Variants in GATA1 observed in about 807,000 individuals in gnomAD.
GATA1 encodes the protein GATA binding protein 1, also known as erythroid transcription factor.
A neutral mutation model predicts 18.9 loss-of-function variants in GATA1; 2 were observed. The observed-to-expected ratio is 0.11, with a 90% CI of 0.04 to 0.33. The LOEUF (loss-of-function observed/expected upper bound fraction) is 0.33, where lower values mean the gene tolerates loss of function less well. Among genes scored for constraint, GATA1 ranks in the 10% least tolerant of loss-of-function variants. GATA1 has a pLI of 1.00. For synonymous variants in GATA1, 152 were observed against 149.1 expected (o/e 1.02, Z -0.14); for missense variants, 272 against 344.7 (o/e 0.79, Z 1.67).
Position 48,791,846 on chromosome X carries a change from T to A in GATA1, c.223T>A (p.Phe75Ile). 8.3e-7 allele frequency: 1 copy of A among 1,211,623 alleles called. No individual in the cohort carries two copies. Among genetic ancestry groups the A allele is most frequent in the Non-Finnish European group, 1.1e-6 (1 of 895,399 alleles). Residue 75 changes from phenylalanine (F) to isoleucine (I), a missense_variant and splice_region_variant, in exon 3 of 6, where the codon TTT becomes ATT. By Grantham distance (21) the Phe-to-Ile change is conservative. Transcript: ENST00000376670. The stretch of plus-strand genomic sequence containing the variant: ...CCATCCCTACCTGCCCCCAACAGTC[T>A]TTCAGGTGTACCCATTGCTCAACTG... ...DAEAYRHSPVFQVYPLLNCME... is the reference protein window; with the variant it reads ...DAEAYRHSPVIQVYPLLNCME...
rs782167312 is a variant in GATA1, at chrX:48,794,092, C to G, written c.1170C>G (p.Pro390=). ...TCCCTGGACCCCTACTGGGCTCACC[C>G]ACGGGCTCCTTCCCCACAGGCCCCA... ...MPFPGPLLGS[P]TGSFPTGPMP... is the part of the protein sequence containing the mutation. Residue 390 remains proline, a synonymous_variant, in exon 6 of 6, where the codon CCC becomes CCG. Coordinates refer to ENST00000376670, the MANE Select transcript of GATA1 (RefSeq NM_002049.4). 64 of 1,198,876 alleles carry G rather than the reference C, an allele frequency of 5.3e-5. No individual in the cohort carries two copies. In the South Asian group the frequency reaches 9.2e-4, roughly 17 times the overall value.
intron 4 of GATA1, 39 bp from the exon 5 acceptor site, chrX:48,793,133 A>G: frequency 8.3e-7 from 1 of 1,206,130 alleles, no homozygotes; most frequent in Non-Finnish European, 1.1e-6. Flanking sequence ...CCACTTCCAC[A>G]TCCCCAGGGC....
In GATA1 at chrX:48,792,102, A is replaced by G. The variant is rs59609788; in HGVS notation, c.479A>G (p.Asn160Ser). 3.1e-5 allele frequency: 37 copies of G among 1,209,642 alleles called. No individual in the cohort carries two copies. The highest frequency in any genetic ancestry group is 5.9e-5 in the East Asian group (2 of 33,716). ...CTGCCTTCATCACTCCCTGTCCCCA[A>G]TAGTGCTTATGGGGGCCCTGACTTT... The part of the protein sequence containing the change: ...PALPSSLPVP[N>S]SAYGGPDFSS... The change falls in exon 3 of 6, where the codon AAT becomes AGT. Residue 160 changes from asparagine to serine, a missense_variant. Asn to Ser is a conservative substitution (Grantham distance 46). This residue lies in a region of GATA1 where 147 missense variants were observed against 157.4 expected (regional missense o/e 0.93). Transcript: ENST00000376670.
In GATA1 at chrX:48,792,072, C is replaced by G; in HGVS notation, c.449C>G (p.Pro150Arg). 4.1e-6 allele frequency: 5 copies of G among 1,212,039 alleles called. No homozygotes were observed. Among genetic ancestry groups the G allele is most frequent in the Non-Finnish European group, 5.6e-6 (5 of 895,515 alleles). The part of the protein sequence containing the change: ...RLSPDLLTLG[P>R]ALPSSLPVPN... ...AGCCCAGACCTCCTGACCCTGGGACCTGCACTGCCTTCATCACTCCCTGTC... is the reference window on the plus strand; with the variant it reads ...AGCCCAGACCTCCTGACCCTGGGACGTGCACTGCCTTCATCACTCCCTGTC... The change falls in exon 3 of 6, where the codon CCT becomes CGT. Residue 150 changes from proline to arginine, a missense_variant. Physicochemically the swap from Pro to Arg is moderately radical, Grantham distance 103. Around this residue, in one of 3 missense-constraint regions of GATA1, gnomAD observed 147 missense variants for 157.4 expected, o/e 0.93. Transcript: ENST00000376670.
At position 48,794,111 on chromosome X, in the gene GATA1, G is replaced by C. The variant is rs781902307; in HGVS notation, c.1189G>C (p.Gly397Arg). 2 of 1,191,349 alleles carry C rather than the reference G, an allele frequency of 1.7e-6. No homozygotes were observed. Among genetic ancestry groups the C allele is most frequent in the African/African-American group, 3.5e-5 (2 of 57,339 alleles). Residue 397 changes from glycine to arginine, a missense_variant, in exon 6 of 6, where the codon GGC (glycine) becomes CGC (arginine). By Grantham distance (125) the Gly-to-Arg change is moderately radical. This residue lies in a region of GATA1 where 83 missense variants were observed against 84.2 expected (regional missense o/e 0.99). Transcript: ENST00000376670. Reference protein sequence around the residue: ...LGSPTGSFPTGPMPPTTSTTV... With the variant: ...LGSPTGSFPTRPMPPTTSTTV... ...CTCACCCACGGGCTCCTTCCCCACA[G>C]GCCCCATGCCCCCCACCACCAGCAC...
chrX:48,791,380 G>A, intron 2 of GATA1, 51 bp downstream of exon 2: 1 of 1,049,472 alleles, frequency 9.5e-7, no homozygotes, highest in South Asian at 2.0e-5. Context: ...TGTTGGGGTT[G>A]CCATGGAGAT....
rs782435808 is a variant in GATA1, at chrX:48,793,310, C to A, written c.870+13C>A. The A allele has an allele frequency of 2.5e-6, 3 of 1,208,833 alleles. No individual in the cohort carries two copies. The highest frequency in any genetic ancestry group is 3.4e-6 in the Non-Finnish European group (3 of 893,906). ...CAAGCTACACCAGGTGACGCCCTGC[C>A]CCTTGGAGCCACCCCTCTGCTTTCC... On this transcript the variant is annotated intron_variant, in intron 5 of 5. Coordinates refer to ENST00000376670, the MANE Select transcript of GATA1 (RefSeq NM_002049.4).
chrX:48,794,217 C>T lies in GATA1; in HGVS notation c.*53C>T. On this transcript the variant is annotated 3_prime_UTR_variant, in exon 6 of 6. Transcript: ENST00000376670. The stretch of plus-strand genomic sequence containing the variant: ...GGGTGGTGTCCTTCTCCTCTTGTAG[C>T]CAGAATTCTGGACAACCCAAGTCTC... The T allele has an allele frequency of 1.7e-6, 2 of 1,188,698 alleles. No individual in the cohort carries two copies. The highest frequency in any genetic ancestry group is 3.7e-5 in the South Asian group (2 of 54,369).
In GATA1 at chrX:48,791,987, G is replaced by A. The variant is rs782695653; in HGVS notation, c.364G>A (p.Glu122Lys). 2.4e-5 allele frequency: 29 copies of A among 1,210,062 alleles called. No homozygotes were observed. The highest frequency in any genetic ancestry group is 3.2e-5 in the Non-Finnish European group (29 of 895,185). Residue 122 changes from glutamate to lysine, a missense_variant, in exon 3 of 6, where the codon GAA becomes AAA. Transcript: ENST00000376670. ...CGAGGACTCTCCTCCCCAGGCCGTG[G>A]AAGATCTGGATGGAAAAGGCAGCAC... ...TREDSPPQAV[E>K]DLDGKGSTSF...
chrX:48,787,604 G>A (rs1363105762), intron 1 of GATA1, among the ~76,000 whole-genome samples: 4 of 110,402 alleles, frequency 3.6e-5, no homozygotes, highest in Admixed American at 2.9e-4. Flanking sequence ...ACTTCGCCCC[G>A]ATCCCCCAAC....
chrX:48,793,360 C>T (rs782470513), intron 5 of GATA1, 63 bp downstream of exon 5: 7 of 1,120,849 alleles, frequency 6.2e-6, no homozygotes, highest in African/African-American at 5.6e-5. Context: ...CACTGCCCCC[C>T]ACTCTGTTCC....
chrX:48,790,856 C>T (rs2062672031), intron 1 of GATA1, among the ~76,000 whole-genome samples: 1 of 92,944 alleles, frequency 1.1e-5, no homozygotes, highest in Non-Finnish European at 2.1e-5. Flanking sequence ...AGGAGGGGCA[C>T]ACAGGAGTGG....
rs142614402 is a variant in GATA1 at position 48,791,267 on chromosome X, C to T, written c.158C>T (p.Ala53Val). The T allele has an allele frequency of 3.3e-6, 4 of 1,207,071 alleles. No individual in the cohort carries two copies. The Admixed American group carries it at 6.6e-5, about 20-fold the overall frequency. ...AAASSTAPST[A>V]TAAAAALAYY... ...GCTTCCTCCACTGCCCCGAGCACAGCCACCGCTGCAGCTGCGGCACTGGCC... is the reference window on the plus strand; with the variant it reads ...GCTTCCTCCACTGCCCCGAGCACAGTCACCGCTGCAGCTGCGGCACTGGCC... The change falls in exon 2 of 6, where the codon GCC (alanine) becomes GTC (valine). Residue 53 changes from alanine (A) to valine (V), a missense_variant. Physicochemically the swap from Ala to Val is moderately conservative, Grantham distance 64. Coordinates refer to ENST00000376670, the MANE Select transcript of GATA1 (RefSeq NM_002049.4).
intron 1 of GATA1, among the ~76,000 whole-genome samples, chrX:48,790,723 G>A (rs1195851254): frequency 1.0e-5 from 1 of 98,385 alleles, no homozygotes; most frequent in Non-Finnish European, 2.0e-5. Context: ...GGGAAGGGGG[G>A]AAGAAGAGAG....
intron 1 of GATA1, 67 bp from the exon 2 acceptor site, chrX:48,791,014 AAGGAGGGAAG>A: frequency 1.6e-6 from 1 of 638,560 alleles, no homozygotes; most frequent in Non-Finnish European, 2.5e-6. Context: ...AGGAGGGGGA[AAGGAGGGAAG>A]AGGAGCAGGT....
chrX:48,791,343 G>A lies in GATA1; in HGVS notation c.220+14G>A. The A allele has an allele frequency of 8.5e-7, 1 of 1,180,115 alleles. No homozygotes were observed. Among genetic ancestry groups the A allele is most frequent in the Non-Finnish European group, 1.1e-6 (1 of 875,259 alleles). ...GACACTCCCCAGGTAACTCCATTGA[G>A]TGGCTGTCTTGGCATTGGCTGAGTG... On this transcript the variant is annotated intron_variant, in intron 2 of 5. Coordinates refer to ENST00000376670, the MANE Select transcript of GATA1 (RefSeq NM_002049.4).
In GATA1 at chrX:48,794,118, T is replaced by C. The variant is rs782116095; in HGVS notation, c.1196T>C (p.Met399Thr). Residue 399 changes from methionine (M) to threonine (T), a missense_variant, in exon 6 of 6, where the codon ATG (methionine) becomes ACG (threonine). Around this residue, in one of 3 missense-constraint regions of GATA1, gnomAD observed 83 missense variants for 84.2 expected, o/e 0.99. Coordinates refer to ENST00000376670, the MANE Select transcript of GATA1 (RefSeq NM_002049.4). The stretch of plus-strand genomic sequence containing the variant: ...ACGGGCTCCTTCCCCACAGGCCCCA[T>C]GCCCCCCACCACCAGCACTACTGTG... ...SPTGSFPTGP[M>T]PPTTSTTVVA... The C allele has an allele frequency of 1.7e-6, 2 of 1,187,791 alleles. No individual in the cohort carries two copies. The highest frequency in any genetic ancestry group is 2.3e-5 in the Admixed American group (1 of 43,192).
intron 2 of GATA1, 58 bp from the exon 3 acceptor site, chrX:48,791,786 C>T (rs1221317219): frequency 1.8e-5 from 21 of 1,187,926 alleles, no homozygotes; most frequent in East Asian, 8.9e-5. Flanking sequence ...CCCTGACGTG[C>T]GCTGACCCTA....
At position 48,793,801 on chromosome X, in the gene GATA1, G is replaced by A; in HGVS notation, c.879G>A (p.Arg293=). 1 of 1,211,025 alleles carries A rather than the reference G, an allele frequency of 8.3e-7. No individual in the cohort carries two copies. Among genetic ancestry groups the A allele is most frequent in the Middle Eastern group, 2.4e-4 (1 of 4,160 alleles). The change falls in exon 6 of 6, where the codon CGG becomes CGA. Residue 293 remains arginine, a synonymous_variant. Transcript: ENST00000376670. ...AGCCTCCTTTTTGGCAGGTGAACCG[G>A]CCACTGACCATGCGGAAGGATGGTA... is the stretch of plus-strand genomic sequence containing the variant. ...GLYYKLHQVN[R]PLTMRKDGIQ...
Sources: allele counts gnomAD v4.1 joint callset (sites outside exome capture counted in the v4.1 genomes callset), GRCh38; gene constraint gnomAD v4.1.1; regional missense constraint gnomAD v4.1.1; transcripts MANE v1.5; gene names NCBI Gene and HGNC (gene_info 2026-07-23, HGNC 2026-07-21).